The following KLHL41 variants were observed in gnomAD, a reference collection of about 807,000 sequenced individuals.
The protein encoded by KLHL41 is kelch-like protein 41.
In KLHL41, 31 loss-of-function variants were observed where a neutral mutation model predicts 49.2. The ratio of observed to expected loss-of-function variants is 0.63; its 90% CI spans 0.47 to 0.85. KLHL41 has a LOEUF of 0.85. KLHL41 is among the 40% of genes least tolerant of loss of function. The pLI is 0.00. For synonymous variants in KLHL41, 218 were observed against 258.5 expected (o/e 0.84, Z 1.50); for missense variants, 663 against 726.7 (o/e 0.91, Z 1.01).
chr2:169,510,938 TCACCA>T lies in KLHL41; in HGVS notation c.1110+51_1110+55del, dbSNP rs755430700. On this transcript the variant is annotated intron_variant, in intron 1 of 5. Transcript: ENST00000284669. The surrounding 1 kb of genome is among the most constrained non-coding windows in gnomAD (Gnocchi z 4.2). ...AGTTGCTTAAAGGGAAGGCTGTTAC[TCACCA>T]TCCAGTTAGCCAATTTGTGAATTAT... is the stretch of plus-strand genomic sequence containing the variant. 6.7e-7 allele frequency: 1 copy of T among 1,492,128 alleles called. No individual in the cohort carries two copies. Among genetic ancestry groups the T allele is most frequent in the East Asian group, 2.3e-5 (1 of 44,270 alleles). The allele number at this position is 1,492,128 out of a possible 1,614,324, so 92.4% of individuals were successfully genotyped here. A position where few individuals can be genotyped will look rare whatever the true frequency, so the allele number is the denominator to read the frequency against.
chr2:169,510,323 T>A lies in KLHL41; in HGVS notation c.545T>A (p.Val182Asp). 1 of 1,614,124 alleles carries A rather than the reference T, an allele frequency of 6.2e-7. No homozygotes were observed. Among genetic ancestry groups the A allele is most frequent in the South Asian group, 1.1e-5 (1 of 91,070 alleles). ...CTGTCTCCACAGGAACTGATCTCAG[T>A]CATTTCAAATGACAGCCTAAATGTA... ...MQLSPQELISVISNDSLNVEK... is the reference protein window; with the variant it reads ...MQLSPQELISDISNDSLNVEK... Residue 182 changes from valine to aspartate, a missense_variant, in exon 1 of 6, where the codon GTC becomes GAC. Physicochemically the swap from Val to Asp is radical, Grantham distance 152. Coordinates refer to ENST00000284669, the MANE Select transcript of KLHL41 (RefSeq NM_006063.3). The surrounding 1 kb of genome is among the most constrained non-coding windows in gnomAD (Gnocchi z 4.2).
intron 4 of KLHL41, among the ~76,000 whole-genome samples, chr2:169,520,314 G>GTGTGTA (rs1553531992): frequency 0.03 from 3,154 of 103,422 alleles, 275 homozygotes; most frequent in Middle Eastern, 0.04. Context: ...GTGTGTGTAT[G>GTGTGTA]TGTGTGTGTG....
intron 1 of KLHL41, among the ~76,000 whole-genome samples, 176 bp downstream of exon 1, chr2:169,511,064 G>T (rs1346687164): frequency 1.3e-5 from 2 of 152,130 alleles, no homozygotes; most frequent in African/African-American, 4.8e-5. Flanking sequence ...TGACTGCTTT[G>T]TTAATGTGTA....
At position 169,525,651 on chromosome 2, in the gene KLHL41, T is replaced by C. The variant is rs2105314694; in HGVS notation, c.1776T>C (p.Ser592=). 6.2e-7 allele frequency: 1 copy of C among 1,613,480 alleles called. No homozygotes were observed. ...LKEIRYASGA[S]CLATRLNLFK... is the part of the protein sequence containing the mutation. ...AAATACGTTATGCTTCAGGAGCTAGTTGCCTAGCAACACGTTTAAATCTCT... is the reference window on the plus strand; with the variant it reads ...AAATACGTTATGCTTCAGGAGCTAGCTGCCTAGCAACACGTTTAAATCTCT... The change falls in exon 6 of 6, where the codon AGT becomes AGC. Residue 592 remains serine (S), a synonymous_variant. Transcript: ENST00000284669.
chr2:169,514,168 G>A (rs2105309533), intron 1 of KLHL41: 1 of 161,580 alleles, frequency 6.2e-6, no homozygotes, highest in African/African-American at 2.4e-5. Context: ...ATAGCACGCA[G>A]GGGTCATTCA....
rs374818088 is a variant in KLHL41, at chr2:169,524,795, T to TG, written c.1710-781dup. On this transcript the variant is annotated intron_variant, in intron 5 of 5. Transcript: ENST00000284669. ...CCTTTGAGGCTTGAGGACATTGATA[T>TG]GGGGGGGGGAATTAAAATGGAGTGA... Among the ~76,000 whole-genome samples the TG allele has an allele frequency of 5.1e-3, 642 of 126,904 alleles. 2 individuals carry two copies. Among genetic ancestry groups the TG allele is most frequent in the African/African-American group, 0.014 (531 of 39,068 alleles). The allele number at this position is 126,904 out of a possible 152,430, so 83.3% of individuals were successfully genotyped here.
At position 169,520,982 on chromosome 2, in the gene KLHL41, C is replaced by A; in HGVS notation, c.1684C>A (p.Pro562Thr). The part of the protein sequence containing the change: ...MIQLESKEFA[P>T]TEVNDIWKYE... The stretch of plus-strand genomic sequence containing the variant: ...TCAACTGGAGTCTAAAGAATTTGCA[C>A]CCACTGAAGTCAATGACATATGGAA... The change falls in exon 5 of 6, where the codon CCC (proline) becomes ACC (threonine). Residue 562 changes from proline to threonine, a missense_variant. Physicochemically the swap from Pro to Thr is conservative, Grantham distance 38. Coordinates refer to ENST00000284669, the MANE Select transcript of KLHL41 (RefSeq NM_006063.3). The A allele has an allele frequency of 6.2e-7, 1 of 1,613,832 alleles. No individual in the cohort carries two copies. Among genetic ancestry groups the A allele is most frequent in the Non-Finnish European group, 8.5e-7 (1 of 1,179,834 alleles).
Position 169,525,747 on chromosome 2 carries a change from G to A in KLHL41, c.*51G>A. On this transcript the variant is annotated 3_prime_UTR_variant, in exon 6 of 6. Coordinates refer to ENST00000284669, the MANE Select transcript of KLHL41 (RefSeq NM_006063.3). ...GGGAGGTGGTTTGTTTGGTGAATGG[G>A]GCTTTAATTTATTCTGTTTTTTAAA... 2 of 995,432 alleles carry A rather than the reference G, an allele frequency of 2.0e-6. No individual in the cohort carries two copies. The highest frequency in any genetic ancestry group is 3.2e-6 in the Non-Finnish European group (2 of 631,448). The allele number at this position is 995,432 out of a possible 1,614,324, so 61.7% of individuals were successfully genotyped here. A position where few individuals can be genotyped will look rare whatever the true frequency, so the allele number is the denominator to read the frequency against.
chr2:169,514,648 G>A lies in KLHL41; in HGVS notation c.1185G>A (p.Glu395=). 6.2e-7 allele frequency: 1 copy of A among 1,613,854 alleles called. No homozygotes were observed. Among genetic ancestry groups the A allele is most frequent in the Non-Finnish European group, 8.5e-7 (1 of 1,179,870 alleles). Residue 395 remains glutamate, a synonymous_variant, in exon 2 of 6, where the codon GAG becomes GAA. Transcript: ENST00000284669. ...PSARCLFGLG[E]VDDKIYVVAG... ...CCAGGTGTCTCTTCGGTCTGGGAGA[G>A]GTGGATGATAAAATCTATGTAGTTG...
chr2:169,513,780 G>A (rs944908710), intron 1 of KLHL41, among the ~76,000 whole-genome samples: 6 of 152,282 alleles, frequency 3.9e-5, no homozygotes, highest in African/African-American at 1.4e-4. Context: ...GTGCTAAAAT[G>A]AAAAGTGTAA....
At chr2:169,524,584 G>A (rs1220555446) in intron 5 of KLHL41, among the ~76,000 whole-genome samples, 1 of 151,938 alleles carries the variant, frequency 6.6e-6, no homozygotes, top group Non-Finnish European at 1.5e-5. Flanking sequence ...TTTTAGTAGA[G>A]ACGGGGTTTT....
At position 169,510,219 on chromosome 2, in the gene KLHL41, C is replaced by T. The variant is rs2105307982; in HGVS notation, c.441C>T (p.Cys147=). 6.2e-7 allele frequency: 1 copy of T among 1,613,996 alleles called. No homozygotes were observed. The highest frequency in any genetic ancestry group is 1.1e-5 in the South Asian group (1 of 91,082). The change falls in exon 1 of 6, where the codon TGC becomes TGT. Residue 147 remains cysteine (C), a synonymous_variant. Coordinates refer to ENST00000284669, the MANE Select transcript of KLHL41 (RefSeq NM_006063.3). This position sits in a 1 kb window ranked among gnomAD's most constrained non-coding sequence, Gnocchi z 4.2. ...AILRLGLLLD[C]PRLAISAREF... is the part of the protein sequence containing the mutation. The stretch of plus-strand genomic sequence containing the variant: ...TAAGATTAGGACTTCTTCTTGACTG[C>T]CCGAGACTCGCCATTTCTGCCCGTG...
chr2:169,519,767 T>C (rs1195053520), intron 4 of KLHL41, among the ~76,000 whole-genome samples: 1 of 151,924 alleles, frequency 6.6e-6, no homozygotes, highest in African/African-American at 2.4e-5. Flanking sequence ...TAATTTTTTG[T>C]ATTTTTAGTA....
rs11384512 is a variant in KLHL41 at position 169,519,651 on chromosome 2, C to CTT, written c.1563-1194_1563-1193dup. 3.7e-3 allele frequency among the ~76,000 whole-genome samples: 507 copies of CTT among 138,440 alleles called. 5 individuals carry two copies. Among genetic ancestry groups the CTT allele is most frequent in the East Asian group, 6.8e-3 (33 of 4,830 alleles). The allele number at this position is 138,440 out of a possible 152,430, so 90.8% of individuals were successfully genotyped here. On this transcript the variant is annotated intron_variant, in intron 4 of 5. Transcript: ENST00000284669. ...TCTGTACTTTCCAGATTTTCTCAAA[C>CTT]TTTTTTTTTTTTTTTTTGAGACAGG... is the stretch of plus-strand genomic sequence containing the variant.
At chr2:169,520,133 C>G (rs1388950310) in intron 4 of KLHL41, among the ~76,000 whole-genome samples, 1 of 147,304 alleles carries the variant, frequency 6.8e-6, no homozygotes, top group African/African-American at 2.5e-5. Context: ...ACTATAGGGA[C>G]ATACCACCAG....
chr2:169,522,705 A>ATTTTTTTTTTTTT (rs60635668), intron 5 of KLHL41, among the ~76,000 whole-genome samples: 1 of 50,092 alleles, frequency 2.0e-5, no homozygotes, highest in Non-Finnish European at 3.4e-5. Context: ...CTTCCCAGTG[A>ATTTTTTTTTTTTT]TTTTTTTTTT....
intron 5 of KLHL41, among the ~76,000 whole-genome samples, chr2:169,524,998 C>G (rs10497349): frequency 0.078 from 11,842 of 152,114 alleles, 678 homozygotes; most frequent in African/African-American, 0.15. Flanking sequence ...CAAGGGAATT[C>G]AAGTTATCTG....
At chr2:169,516,049 T>C (rs978735680) in intron 3 of KLHL41, among the ~76,000 whole-genome samples, 1 of 152,194 alleles carries the variant, frequency 6.6e-6, no homozygotes, top group African/African-American at 2.4e-5. Flanking sequence ...CAAACCAGTA[T>C]AACCTGTCTA....
Position 169,514,792 on chromosome 2 carries a change from T to G in KLHL41, c.1268+61T>G, listed in dbSNP as rs1684088380. ...CAAGTATATGCGTGCCTACAACATA[T>G]TCATATTTTCAGAACCTGGAATTTA... On this transcript the variant is annotated intron_variant, in intron 2 of 5. Coordinates refer to ENST00000284669, the MANE Select transcript of KLHL41 (RefSeq NM_006063.3). The G allele has an allele frequency of 2.4e-5, 38 of 1,595,766 alleles. 1 individual carries two copies. The South Asian group carries it at 3.7e-4, about 16-fold the overall frequency.
Sources: gnomAD v4.1 joint callset for allele counts (sites outside exome capture counted in the v4.1 genomes callset) on GRCh38, gnomAD v4.1.1 for gene constraint, Gnocchi (gnomAD v3.1) non-coding constraint, MANE v1.5 for transcripts, NCBI Gene and HGNC (gene_info 2026-07-23, HGNC 2026-07-21) for gene names.